The following KIAA0930 variants were observed in gnomAD, a reference collection of about 807,000 sequenced individuals.
KIAA0930 encodes the protein KIAA0930.
Under a neutral mutation model 43.9 loss-of-function variants are expected in KIAA0930, and 24 were observed. That is an observed-to-expected ratio of 0.55 (90% CI 0.40 to 0.77). KIAA0930 has a LOEUF of 0.77. KIAA0930 is among the 30% of genes least tolerant of loss of function. The pLI is 0.00. For missense variants in KIAA0930, 461 were observed against 574.2 expected, an observed-to-expected ratio of 0.80 and a Z score of 2.02; for synonymous variants, 259 against 216.4, an observed-to-expected ratio of 1.20 and a Z score of -1.73.
intron 1 of KIAA0930, among the ~76,000 whole-genome samples, chr22:45,228,854 A>C (rs945133945): frequency 2.0e-5 from 1 of 50,816 alleles, no homozygotes; most frequent in Non-Finnish European, 3.5e-5. Flanking sequence ...ATCCCTCTTC[A>C]CCCCCCAACC....
chr22:45,211,818 C>G (rs546374332), intron 2 of KIAA0930, 138 bp downstream of exon 2: 1 of 869,992 alleles, frequency 1.1e-6, no homozygotes, highest in African/African-American at 1.7e-5. Flanking sequence ...TCCTGGAATA[C>G]AGTAGGTGCT....
chr22:45,220,034 C>T (rs1347696084), intron 1 of KIAA0930, among the ~76,000 whole-genome samples: 2 of 152,126 alleles, frequency 1.3e-5, no homozygotes, highest in African/African-American at 2.4e-5. Flanking sequence ...GAAGACCACA[C>T]ACACAGAAAA....
intron 1 of KIAA0930, among the ~76,000 whole-genome samples, chr22:45,215,775 G>T (rs567577096): frequency 2.6e-5 from 4 of 152,198 alleles, no homozygotes; most frequent in African/African-American, 9.7e-5. Context: ...GCTAGGAGTG[G>T]AAGAATTGAA....
At position 45,205,925 on chromosome 22, in the gene KIAA0930, G is replaced by C; in HGVS notation, c.217-13C>G. On this transcript the variant is annotated splice_polypyrimidine_tract_variant and intron_variant, in intron 2 of 9. Transcript: ENST00000336156. ...CAGGCTCAGCTGCCTGCGAGGCCCA[G>C]AGCAGAAGTGAGTGCCCAGGGCCCA... 4 of 1,611,674 alleles carry C rather than the reference G, an allele frequency of 2.5e-6. No individual in the cohort carries two copies. Among genetic ancestry groups the C allele is most frequent in the Middle Eastern group, 1.7e-4 (1 of 6,054 alleles).
At chr22:45,200,187 C>G in intron 7 of KIAA0930, 152 bp from the exon 8 acceptor site, 1 of 690,254 alleles carries the variant, frequency 1.4e-6, no homozygotes, top group Non-Finnish European at 2.2e-6. Context: ...CCGGCCCGTG[C>G]TAGGTGGGGC....
At chr22:45,230,148 C>T (rs777508415) in intron 1 of KIAA0930, among the ~76,000 whole-genome samples, 18 of 152,304 alleles carry the variant, frequency 1.2e-4, no homozygotes, top group Non-Finnish European at 2.6e-4. Flanking sequence ...CCAGGCACAG[C>T]CTGGACCTCA....
chr22:45,208,105 C>G (rs2083655142), intron 2 of KIAA0930, among the ~76,000 whole-genome samples: 1 of 152,100 alleles, frequency 6.6e-6, no homozygotes, highest in Non-Finnish European at 1.5e-5. Flanking sequence ...AAAGCCAGGC[C>G]CAAGAGGACA....
chr22:45,210,650 G>A (rs1003941692), intron 2 of KIAA0930, among the ~76,000 whole-genome samples: 5 of 152,154 alleles, frequency 3.3e-5, no homozygotes, highest in Non-Finnish European at 7.4e-5. Flanking sequence ...CAGGGCGGGC[G>A]TGGCAGCAGG....
At chr22:45,211,828 T>A in intron 2 of KIAA0930, 128 bp downstream of exon 2, 1 of 937,870 alleles carries the variant, frequency 1.1e-6, no homozygotes, top group East Asian at 2.4e-5. Context: ...CAGTAGGTGC[T>A]CAATAAATAT....
At chr22:45,209,809 G>T (rs2083676868) in intron 2 of KIAA0930, among the ~76,000 whole-genome samples, 1 of 152,144 alleles carries the variant, frequency 6.6e-6, no homozygotes, top group Admixed American at 6.5e-5. Context: ...TAAACAGCTG[G>T]ACTGCCACCT....
intron 1 of KIAA0930, among the ~76,000 whole-genome samples, chr22:45,219,792 T>C (rs1283891501): frequency 6.6e-6 from 1 of 152,088 alleles, no homozygotes; most frequent in Non-Finnish European, 1.5e-5. Flanking sequence ...GGTTTCACCA[T>C]GTTGCCCAGG....
chr22:45,205,346 G>A lies in KIAA0930; in HGVS notation c.415-28C>T, dbSNP rs775718344. Reference sequence around the variant, plus strand: ...GGAAGAAAGCAGATTTGGAGGACAAGTGAGGCCCCACCCGGCACACAGGCC... The same window carrying A: ...GGAAGAAAGCAGATTTGGAGGACAAATGAGGCCCCACCCGGCACACAGGCC... On this transcript the variant is annotated intron_variant, in intron 4 of 9. Transcript: ENST00000336156. 22 of 1,588,042 alleles carry A rather than the reference G, an allele frequency of 1.4e-5. No homozygotes were observed. In the African/African-American group the frequency reaches 2.3e-4, roughly 16 times the overall value.
At chr22:45,235,398 A>G (rs910926377) in intron 1 of KIAA0930, 19 of 152,220 alleles carry the variant, frequency 1.2e-4, no homozygotes, top group Admixed American at 3.3e-4. Flanking sequence ...GGGCTGCTCC[A>G]GTCCCAGGAA....
chr22:45,237,619 A>G (rs548454234), intron 1 of KIAA0930, among the ~76,000 whole-genome samples: 13 of 152,248 alleles, frequency 8.5e-5, no homozygotes, highest in Non-Finnish European at 1.8e-4. Flanking sequence ...ACGTCAGAGG[A>G]CACAGCAGGT....
At chr22:45,200,751 C>G (rs1435312212) in intron 7 of KIAA0930, among the ~76,000 whole-genome samples, 1 of 152,262 alleles carries the variant, frequency 6.6e-6, no homozygotes, top group Non-Finnish European at 1.5e-5. Context: ...GGTCCCTGCC[C>G]TCAAGGAGCT....
intron 7 of KIAA0930, among the ~76,000 whole-genome samples, chr22:45,202,001 G>A (rs1722962085): frequency 6.6e-6 from 1 of 152,242 alleles, no homozygotes; most frequent in Admixed American, 6.5e-5. Flanking sequence ...CCCAAATACT[G>A]AAGGAGCAGG....
At chr22:45,227,288 G>A (rs184207576) in intron 1 of KIAA0930, among the ~76,000 whole-genome samples, 2 of 152,122 alleles carry the variant, frequency 1.3e-5, no homozygotes, top group African/African-American at 4.8e-5. Flanking sequence ...GCTCTCCGCA[G>A]GCAACGTCCT....
At chr22:45,205,505 C>A in intron 4 of KIAA0930, 125 bp downstream of exon 4, 2 of 974,928 alleles carry the variant, frequency 2.1e-6, no homozygotes, top group Non-Finnish European at 1.6e-6. Context: ...AGGAGCTGAG[C>A]AGATTTCTGG....
chr22:45,205,446 T>A lies in KIAA0930; in HGVS notation c.415-128A>T. ...CCAAAGCCAGAGACCTACCAGGAGA[T>A]GTGGGGGATAAGCTGGTTCTGTGCT... On this transcript the variant is annotated intron_variant, in intron 4 of 9. Transcript: ENST00000336156. The A allele has an allele frequency of 4.3e-6, 4 of 920,744 alleles. No individual in the cohort carries two copies. The South Asian group carries it at 6.0e-5, about 14-fold the overall frequency. The allele number at this position is 920,744 out of a possible 1,614,324, so 57.0% of individuals were successfully genotyped here.
Sources: gnomAD v4.1 joint callset for allele counts (sites outside exome capture counted in the v4.1 genomes callset) on GRCh38, gnomAD v4.1.1 for gene constraint, MANE v1.5 for transcripts, NCBI Gene and HGNC (gene_info 2026-07-23, HGNC 2026-07-21) for gene names.